The following PROM1 variants were observed in gnomAD, a reference collection of about 807,000 sequenced individuals.
PROM1 encodes the protein prominin-1.
In PROM1, 105 loss-of-function variants were observed where a neutral mutation model predicts 116.9. That is an observed-to-expected ratio of 0.90 (90% CI 0.77 to 1.06). PROM1 has a LOEUF of 1.06. PROM1 is among the 50% of genes least tolerant of loss of function. The pLI, the probability that PROM1 is intolerant of heterozygous loss-of-function variation, is 0.00. For missense variants in PROM1, 1,122 were observed against 1,045.2 expected, an observed-to-expected ratio of 1.07 and a Z score of -1.01; for synonymous variants, 393 against 387.0, an observed-to-expected ratio of 1.02 and a Z score of -0.18.
intron 26 of PROM1, among the ~76,000 whole-genome samples, chr4:15,979,083 A>T (rs1717030406): frequency 6.6e-6 from 1 of 152,236 alleles, no homozygotes; most frequent in Non-Finnish European, 1.5e-5. Context: ...TACTCAGGTT[A>T]TTTGGTGCAG....
intron 13 of PROM1, among the ~76,000 whole-genome samples, chr4:16,004,832 T>TCTTCCTTCCTTCCTTCCTTCCTTCCTTC (rs561919636): frequency 8.2e-6 from 1 of 122,506 alleles, no homozygotes; most frequent in African/African-American, 3.0e-5. Context: ...TCTTTCTTTT[T>TCTTCCTTCCTTCCTTCCTTCCTTCCTTC]CTTCCTTCCT....
chr4:16,021,516 C>T (rs1729876661), intron 8 of PROM1, among the ~76,000 whole-genome samples: 1 of 152,242 alleles, frequency 6.6e-6, no homozygotes. Flanking sequence ...CCCAGAGTTA[C>T]AACCCAGTTA....
At chr4:16,062,309 T>C (rs959616823) in intron 2 of PROM1, among the ~76,000 whole-genome samples, 17 of 152,194 alleles carry the variant, frequency 1.1e-4, no homozygotes, top group Non-Finnish European at 2.1e-4. Context: ...TAAAGTCACA[T>C]CCTGAGGTAC....
At chr4:16,081,699 C>T (rs981222167) in intron 1 of PROM1, among the ~76,000 whole-genome samples, 6 of 152,280 alleles carry the variant, frequency 3.9e-5, no homozygotes, top group Admixed American at 1.3e-4. Context: ...TAGCTCTTTG[C>T]TCCCTGAAAA....
At chr4:16,065,781 A>T (rs1741390398) in intron 2 of PROM1, among the ~76,000 whole-genome samples, 1 of 152,260 alleles carries the variant, frequency 6.6e-6, no homozygotes. Context: ...AGAATATAGC[A>T]GGAGTAGCAG....
Position 15,991,304 on chromosome 4 carries a change from A to G in PROM1, c.1912-11T>C, listed in dbSNP as rs1370507850. ...GGGGGATTTACCAGTCTACAATAGA[A>G]GTGAAAAAAATTGTCTTATGGATAT... On this transcript the variant is annotated splice_polypyrimidine_tract_variant and intron_variant, in intron 17 of 27. Transcript: ENST00000447510. 6.3e-7 allele frequency: 1 copy of G among 1,580,280 alleles called. No individual in the cohort carries two copies. The highest frequency in any genetic ancestry group is 1.4e-5 in the African/African-American group (1 of 72,970).
At chr4:15,977,974 A>G (rs1021050171) in intron 26 of PROM1, among the ~76,000 whole-genome samples, 18 of 152,094 alleles carry the variant, frequency 1.2e-4, no homozygotes, top group Non-Finnish European at 1.3e-4. Context: ...TCATACATTG[A>G]CGTCATAATC....
At position 15,993,983 on chromosome 4, in the gene PROM1, T is replaced by C. The variant is rs1304065271; in HGVS notation, c.1767+4A>G. On this transcript the variant is annotated splice_donor_region_variant and intron_variant, in intron 16 of 27. Transcript: ENST00000447510. Reference sequence around the variant, plus strand: ...ATGTCGATTCCATGACGAGTTCTAATTACCTCATTAATGTTGAGATGTTCA... The same window carrying C: ...ATGTCGATTCCATGACGAGTTCTAACTACCTCATTAATGTTGAGATGTTCA... The C allele has an allele frequency of 1.9e-6, 3 of 1,613,000 alleles. No homozygotes were observed. The highest frequency in any genetic ancestry group is 2.5e-6 in the Non-Finnish European group (3 of 1,179,300).
chr4:15,996,726 T>C (rs1000106745), intron 15 of PROM1, among the ~76,000 whole-genome samples: 1 of 152,186 alleles, frequency 6.6e-6, no homozygotes, highest in African/African-American at 2.4e-5. Flanking sequence ...GTCTCTTGAA[T>C]ATCAAATGAT....
Position 15,989,716 on chromosome 4 carries a change from C to A in PROM1, c.2076+16G>T, listed in dbSNP as rs374219790. Reference sequence around the variant, plus strand: ...GCTCAGGTCACAGTGAAATACAATACGTCGTTGACTGTTACCAGTGATTGT... The same window carrying A: ...GCTCAGGTCACAGTGAAATACAATAAGTCGTTGACTGTTACCAGTGATTGT... On this transcript the variant is annotated intron_variant, in intron 19 of 27. Transcript: ENST00000447510. 7 of 1,568,440 alleles carry A rather than the reference C, an allele frequency of 4.5e-6. No homozygotes were observed. The African/African-American group carries it at 8.1e-5, about 18-fold the overall frequency.
chr4:15,971,260 T>G (rs1714477656), intron 26 of PROM1, 178 bp from the exon 27 acceptor site: 1 of 553,378 alleles, frequency 1.8e-6, no homozygotes, highest in African/African-American at 1.9e-5. Flanking sequence ...AGCTTCTGTT[T>G]GTATTGCTTT....
At chr4:16,075,582 G>T in intron 2 of PROM1, 105 bp downstream of exon 2, 1 of 1,138,330 alleles carries the variant, frequency 8.8e-7, no homozygotes, top group Non-Finnish European at 1.2e-6. Flanking sequence ...CAAAGCAATC[G>T]CTAAAATACT....
At chr4:15,982,314 G>T (rs1718173421) in intron 23 of PROM1, among the ~76,000 whole-genome samples, 2 of 152,196 alleles carry the variant, frequency 1.3e-5, no homozygotes, top group Admixed American at 6.5e-5. Context: ...CAGAATTACA[G>T]AGGTGGCACC....
In PROM1 at chr4:15,980,409, C is replaced by T. The variant is rs1176549155; in HGVS notation, c.2489+13G>A. On this transcript the variant is annotated intron_variant, in intron 24 of 27. Transcript: ENST00000447510. ...AAAATGACCCCCACGTCTGTGGAAG[C>T]CCACATACTTACTCATCGTACACGT... 9 of 1,503,444 alleles carry T rather than the reference C, an allele frequency of 6.0e-6. No individual in the cohort carries two copies. Among genetic ancestry groups the T allele is most frequent in the South Asian group, 1.2e-5 (1 of 81,564 alleles). 93.1% of individuals were successfully genotyped at this position (1,503,444 alleles called of 1,614,324 possible). A position where few individuals can be genotyped will look rare whatever the true frequency, so the allele number is the denominator to read the frequency against.
intron 18 of PROM1, 53 bp from the exon 19 acceptor site, chr4:15,989,877 ACT>A: frequency 1.4e-6 from 2 of 1,409,820 alleles, no homozygotes; most frequent in Non-Finnish European, 2.0e-6. Flanking sequence ...GACTCAAAGC[ACT>A]CTCGCTATCC....
chr4:16,067,198 A>G (rs1278928833), intron 2 of PROM1, among the ~76,000 whole-genome samples: 2 of 152,200 alleles, frequency 1.3e-5, no homozygotes, highest in African/African-American at 4.8e-5. Flanking sequence ...GGAAGAGCCT[A>G]CGTTTGGAGG....
intron 5 of PROM1, among the ~76,000 whole-genome samples, chr4:16,030,064 C>T (rs191822649): frequency 6.6e-6 from 1 of 152,126 alleles, no homozygotes; most frequent in Non-Finnish European, 1.5e-5. Context: ...TCTTAACTTT[C>T]CCCAGGTCTT....
intron 5 of PROM1, among the ~76,000 whole-genome samples, chr4:16,032,866 A>G (rs1043492237): frequency 1.3e-5 from 2 of 152,258 alleles, no homozygotes; most frequent in African/African-American, 4.8e-5. Flanking sequence ...AATATTTTCA[A>G]ATTTCCAAAT....
At chr4:16,059,403 T>C (rs1739796564) in intron 2 of PROM1, among the ~76,000 whole-genome samples, 1 of 152,200 alleles carries the variant, frequency 6.6e-6, no homozygotes, top group South Asian at 2.1e-4. Flanking sequence ...TTAGGTGATA[T>C]CTATCAAAAG....
Sources: allele counts gnomAD v4.1 joint callset (sites outside exome capture counted in the v4.1 genomes callset), GRCh38; gene constraint gnomAD v4.1.1; transcripts MANE v1.5; gene names NCBI Gene and HGNC (gene_info 2026-07-23, HGNC 2026-07-21).